MYO5B: variants seen among roughly 807,000 people sequenced by gnomAD.
MYO5B encodes myosin VB.
Under a neutral mutation model 229.3 loss-of-function variants are expected in MYO5B, and 143 were observed. That is an observed-to-expected ratio of 0.62 (90% CI 0.54 to 0.72). MYO5B has a LOEUF of 0.72. Ranked by LOEUF, MYO5B falls within the 30% of genes least tolerant of loss-of-function variation. The pLI is 0.00. For missense variants in MYO5B, 2,321 were observed against 2,331.0 expected, an observed-to-expected ratio of 1.00 and a Z score of 0.09; for synonymous variants, 918 against 885.2, an observed-to-expected ratio of 1.04 and a Z score of -0.66.
Position 50,033,542 on chromosome 18 carries a change from A to T in MYO5B, c.455+3308T>A, listed in dbSNP as rs565593022. Among the ~76,000 whole-genome samples the T allele has an allele frequency of 2.5e-4, 38 of 152,326 alleles. 1 individual carries two copies. In the South Asian group the frequency reaches 7.7e-3, roughly 31 times the overall value. On this transcript the variant is annotated intron_variant, in intron 4 of 39. Coordinates refer to ENST00000285039, the MANE Select transcript of MYO5B (RefSeq NM_001080467.3). ...CCTAGTGGCCAGTATTGAGCCTATC[A>T]AATAACTGATACTTTATAAACATCT...
chr18:50,076,612 C>T (rs1354028555), intron 1 of MYO5B, among the ~76,000 whole-genome samples: 1 of 152,140 alleles, frequency 6.6e-6, no homozygotes, highest in Non-Finnish European at 1.5e-5. Context: ...CAAAGGGGAT[C>T]CGGCAGTTGG....
intron 23 of MYO5B, 71 bp downstream of exon 23, chr18:49,880,300 A>C: frequency 7.8e-7 from 1 of 1,275,788 alleles, no homozygotes; most frequent in Non-Finnish European, 1.1e-6. Flanking sequence ...GCTTGCTAGG[A>C]GTCTTTGGGA....
intron 1 of MYO5B, among the ~76,000 whole-genome samples, chr18:50,093,595 G>A (rs1014762509): frequency 7.2e-5 from 11 of 152,116 alleles, no homozygotes; most frequent in African/African-American, 2.4e-4. Context: ...AGGCATCCAA[G>A]TCACAGGATG....
chr18:50,083,998 C>G lies in MYO5B; in HGVS notation c.28-28620G>C, dbSNP rs572893462. On this transcript the variant is annotated intron_variant, in intron 1 of 39. Transcript: ENST00000285039. ...ACTGCCACTTAATAGCTATGTGACT[C>G]AGGCAAGTCATATCATCTCCCTGTG... 3.9e-5 allele frequency among the ~76,000 whole-genome samples: 6 copies of G among 152,318 alleles called. No homozygotes were observed. In the East Asian group the frequency reaches 9.6e-4, roughly 24 times the overall value.
intron 10 of MYO5B, among the ~76,000 whole-genome samples, chr18:49,963,879 G>A (rs965584338): frequency 6.6e-6 from 1 of 152,144 alleles, no homozygotes; most frequent in African/African-American, 2.4e-5. Context: ...TCCAGGTGAG[G>A]GGACAGGTGG....
Position 49,990,538 on chromosome 18 carries a change from G to A in MYO5B, c.757-18C>T. 1 of 1,608,344 alleles carries A rather than the reference G, an allele frequency of 6.2e-7. No homozygotes were observed. Among genetic ancestry groups the A allele is most frequent in the Non-Finnish European group, 8.5e-7 (1 of 1,175,034 alleles). On this transcript the variant is annotated intron_variant, in intron 6 of 39. Coordinates refer to ENST00000285039, the MANE Select transcript of MYO5B (RefSeq NM_001080467.3). Reference sequence around the variant, plus strand: ...TCATCTGCCTGGAGGAGGAAGAAGTGAAGCAGTTTTAGGGCAGTGACCTCT... The same window carrying A: ...TCATCTGCCTGGAGGAGGAAGAAGTAAAGCAGTTTTAGGGCAGTGACCTCT...
chr18:50,043,620 A>G (rs2030131656), intron 2 of MYO5B, among the ~76,000 whole-genome samples: 1 of 135,100 alleles, frequency 7.4e-6, no homozygotes, highest in Admixed American at 8.3e-5. Context: ...AAATATATAT[A>G]AATATATAAA....
At chr18:49,915,389 A>G (rs1456885633) in intron 17 of MYO5B, among the ~76,000 whole-genome samples, 2 of 152,212 alleles carry the variant, frequency 1.3e-5, no homozygotes, top group Non-Finnish European at 2.9e-5. Context: ...GTAGTGGCAC[A>G]AGGGAACAAG....
At chr18:49,970,314 CT>C (rs976698084) in intron 10 of MYO5B, among the ~76,000 whole-genome samples, 3 of 152,124 alleles carry the variant, frequency 2.0e-5, no homozygotes, top group Non-Finnish European at 4.4e-5. Flanking sequence ...TTGCTTTGCA[CT>C]TTTTGTGGAG....
chr18:49,850,701 T>G (rs895195180), intron 31 of MYO5B: 1 of 152,238 alleles, frequency 6.6e-6, no homozygotes, highest in Non-Finnish European at 1.5e-5. Context: ...GAAGGTCTCC[T>G]GTGAACCCTG....
chr18:49,994,398 C>A (rs1376260310), intron 5 of MYO5B, among the ~76,000 whole-genome samples: 1 of 152,182 alleles, frequency 6.6e-6, no homozygotes, highest in Non-Finnish European at 1.5e-5. Context: ...ACGTAACTTG[C>A]CACTGCAAAG....
chr18:50,072,928 G>A (rs1238767681), intron 1 of MYO5B, among the ~76,000 whole-genome samples: 1 of 152,154 alleles, frequency 6.6e-6, no homozygotes, highest in Non-Finnish European at 1.5e-5. Flanking sequence ...TGCAAGGAAA[G>A]GGCCCAACTA....
At chr18:50,087,754 G>A (rs72917844) in intron 1 of MYO5B, among the ~76,000 whole-genome samples, 20,982 of 152,026 alleles carry the variant, frequency 0.14, 1,582 homozygotes, top group East Asian at 0.23. Context: ...AGCCCAGAGC[G>A]TTCACTGGAG....
At chr18:49,842,829 C>A (rs753151270) in intron 34 of MYO5B, among the ~76,000 whole-genome samples, 5 of 152,214 alleles carry the variant, frequency 3.3e-5, no homozygotes, top group Non-Finnish European at 7.3e-5. Context: ...GAAGCAAGCA[C>A]CCGGCCCCTT....
chr18:50,126,479 C>T (rs1236866711), intron 1 of MYO5B: 1 of 154,876 alleles, frequency 6.5e-6, no homozygotes, highest in Admixed American at 6.5e-5. Context: ...CAGGGGACCA[C>T]AAAGTGGGGG....
chr18:50,091,043 G>C (rs1405709740), intron 1 of MYO5B, among the ~76,000 whole-genome samples: 1 of 151,968 alleles, frequency 6.6e-6, no homozygotes, highest in African/African-American at 2.4e-5. Context: ...TATGTGCCTG[G>C]GTGTCCAGGT....
At chr18:49,848,566 T>TAAGGCA (rs74176746) in intron 32 of MYO5B, among the ~76,000 whole-genome samples, 78,237 of 150,984 alleles carry the variant, frequency 0.52, 20,394 homozygotes, top group Middle Eastern at 0.61. Context: ...CTGCAGGCAA[T>TAAGGCA]AAGGCAAAGG....
intron 39 of MYO5B, among the ~76,000 whole-genome samples, chr18:49,827,304 T>C (rs1016321014): frequency 6.6e-6 from 1 of 152,234 alleles, no homozygotes; most frequent in African/African-American, 2.4e-5. Flanking sequence ...GCAGCTCACA[T>C]TCCTGGAGTA....
chr18:49,910,713 A>G (rs1355286085), intron 18 of MYO5B, among the ~76,000 whole-genome samples: 14 of 152,242 alleles, frequency 9.2e-5, no homozygotes, highest in Admixed American at 9.2e-4. Context: ...GATGCTGGGA[A>G]GATGGCTGCG....
Sources: gnomAD v4.1 joint callset for allele counts (sites outside exome capture counted in the v4.1 genomes callset) on GRCh38, gnomAD v4.1.1 for gene constraint, MANE v1.5 for transcripts, NCBI Gene and HGNC (gene_info 2026-07-23, HGNC 2026-07-21) for gene names.